The following DLGAP2 variants were observed in gnomAD, a reference collection of about 807,000 sequenced individuals.
DLGAP2 encodes disks large-associated protein 2.
In DLGAP2, 26 loss-of-function variants were observed where a neutral mutation model predicts 100.3. The ratio of observed to expected loss-of-function variants is 0.26; its 90% CI spans 0.19 to 0.36. The LOEUF (loss-of-function observed/expected upper bound fraction) is 0.36, where lower values mean the gene tolerates loss of function less well. Ranked by LOEUF, DLGAP2 falls within the 10% of genes least tolerant of loss-of-function variation. DLGAP2 has a pLI of 1.00. For synonymous variants in DLGAP2, 886 were observed against 630.1 expected, an observed-to-expected ratio of 1.41 and a Z score of -6.08; for missense variants, 1,858 against 1,453.2, an observed-to-expected ratio of 1.28 and a Z score of -4.53.
intron 2 of DLGAP2, among the ~76,000 whole-genome samples, chr8:1,054,441 C>T (rs372247404): frequency 9.2e-5 from 14 of 152,278 alleles, no homozygotes; most frequent in African/African-American, 2.2e-4. Context: ...AGTTACACTT[C>T]GGCTTTGTAG....
chr8:1,440,856 C>T (rs1167348395), intron 3 of DLGAP2, among the ~76,000 whole-genome samples: 1 of 152,138 alleles, frequency 6.6e-6, no homozygotes, highest in Non-Finnish European at 1.5e-5. Flanking sequence ...TCTGGAGTGC[C>T]CAGGGCTGTT....
chr8:1,080,072 G>A (rs2129039217), intron 2 of DLGAP2, among the ~76,000 whole-genome samples: 1 of 152,354 alleles, frequency 6.6e-6, no homozygotes, highest in East Asian at 1.9e-4. Context: ...TATGATGGGG[G>A]GCCTGGCACG....
chr8:836,450 C>G (rs549380361), intron 1 of DLGAP2, among the ~76,000 whole-genome samples: 1 of 152,292 alleles, frequency 6.6e-6, no homozygotes, highest in African/African-American at 2.4e-5. Flanking sequence ...GGCGCCCTGG[C>G]AGGGATGGGG....
At chr8:1,236,193 G>A (rs1400675802) in intron 2 of DLGAP2, among the ~76,000 whole-genome samples, 3 of 104,866 alleles carry the variant, frequency 2.9e-5, no homozygotes, top group South Asian at 3.7e-4. Flanking sequence ...ACAGAGCATC[G>A]TGTCTAGTTC....
intron 1 of DLGAP2, among the ~76,000 whole-genome samples, chr8:809,735 C>T (rs935953071): frequency 1.3e-5 from 2 of 152,172 alleles, no homozygotes; most frequent in East Asian, 1.9e-4. Context: ...GATTCCCCCT[C>T]CCCTGGCCTT....
intron 3 of DLGAP2, among the ~76,000 whole-genome samples, chr8:1,268,585 C>T (rs1799514589): frequency 2.0e-5 from 3 of 152,156 alleles, no homozygotes; most frequent in African/African-American, 7.2e-5. Flanking sequence ...CCCAATTTAA[C>T]ATCTTTCCGC....
chr8:1,507,599 G>A (rs1371631061), intron 4 of DLGAP2, among the ~76,000 whole-genome samples: 3 of 152,316 alleles, frequency 2.0e-5, no homozygotes, highest in Non-Finnish European at 2.9e-5. Context: ...AAGTGCGGCC[G>A]GAGTGGGCGC....
chr8:1,526,587 T>C (rs1800801459), intron 4 of DLGAP2, among the ~76,000 whole-genome samples: 1 of 152,172 alleles, frequency 6.6e-6, no homozygotes, highest in Admixed American at 6.5e-5. Flanking sequence ...AGGAGGACGG[T>C]GGTGAGTCCT....
intron 3 of DLGAP2, among the ~76,000 whole-genome samples, chr8:1,455,828 G>A (rs1040577141): frequency 3.3e-5 from 5 of 152,200 alleles, no homozygotes; most frequent in African/African-American, 1.2e-4. Flanking sequence ...CAAGGCTGCA[G>A]CGTTCCAGGC....
intron 3 of DLGAP2, among the ~76,000 whole-genome samples, chr8:1,295,466 C>T (rs1185507211): frequency 6.6e-6 from 1 of 152,144 alleles, no homozygotes; most frequent in Non-Finnish European, 1.5e-5. Context: ...TGTGGGCCCC[C>T]AGCCACGTCA....
At chr8:1,642,221 G>C (rs1204169669) in intron 8 of DLGAP2, among the ~76,000 whole-genome samples, 1 of 55,636 alleles carries the variant, frequency 1.8e-5, no homozygotes. Flanking sequence ...CCTCGACCCC[G>C]CCGGCCCTCA....
chr8:1,051,322 G>T (rs918992941), intron 2 of DLGAP2, among the ~76,000 whole-genome samples: 4 of 152,136 alleles, frequency 2.6e-5, no homozygotes, highest in Non-Finnish European at 4.4e-5. Flanking sequence ...GCACCGGGCT[G>T]TGTTGTCTCA....
intron 1 of DLGAP2, among the ~76,000 whole-genome samples, chr8:811,671 C>A (rs984792750): frequency 6.7e-6 from 1 of 149,702 alleles, no homozygotes; most frequent in Non-Finnish European, 1.5e-5. Context: ...CCTGCCAGGG[C>A]TCCTGCCGTG....
chr8:1,699,068 A>T (rs541411706), intron 14 of DLGAP2, among the ~76,000 whole-genome samples: 1 of 152,378 alleles, frequency 6.6e-6, no homozygotes, highest in East Asian at 1.9e-4. Context: ...ATGATCAGTG[A>T]TGCTCCTGAG....
At chr8:886,642 C>T (rs1276262254) in intron 1 of DLGAP2, among the ~76,000 whole-genome samples, 1 of 152,208 alleles carries the variant, frequency 6.6e-6, no homozygotes, top group Non-Finnish European at 1.5e-5. Flanking sequence ...AGGAGTCATT[C>T]AGGAGCAGGT....
chr8:1,438,843 T>C (rs979214594), intron 3 of DLGAP2, among the ~76,000 whole-genome samples: 14 of 152,228 alleles, frequency 9.2e-5, no homozygotes, highest in Non-Finnish European at 1.5e-4. Context: ...CAGAATCTGG[T>C]TGGAAGTGGA....
chr8:794,721 A>T (rs1795989771), intron 1 of DLGAP2, among the ~76,000 whole-genome samples: 1 of 152,150 alleles, frequency 6.6e-6, no homozygotes, highest in South Asian at 2.1e-4. Flanking sequence ...GATTTTGTTT[A>T]TGGCCAGTTT....
At chr8:978,467 G>C (rs1800228521) in intron 2 of DLGAP2, among the ~76,000 whole-genome samples, 1 of 69,602 alleles carries the variant, frequency 1.4e-5, no homozygotes, top group Non-Finnish European at 3.5e-5. Flanking sequence ...GACGTGGGGA[G>C]GGCGTCGGGG....
chr8:1,178,448 C>T (rs920089927), intron 2 of DLGAP2, among the ~76,000 whole-genome samples: 9 of 152,112 alleles, frequency 5.9e-5, no homozygotes, highest in Admixed American at 2.6e-4. Flanking sequence ...GTGTTTCTGT[C>T]CTGCTTCTGC....
Sources: allele counts gnomAD v4.1 joint callset (sites outside exome capture counted in the v4.1 genomes callset), GRCh38; gene constraint gnomAD v4.1.1; transcripts MANE v1.5; gene names NCBI Gene and HGNC (gene_info 2026-07-23, HGNC 2026-07-21).